PCLO: variants seen among roughly 807,000 people sequenced by gnomAD.
The protein encoded by PCLO is protein piccolo.
In PCLO, 82 loss-of-function variants were observed where a neutral mutation model predicts 427.5. The observed-to-expected ratio is 0.19, with a 90% CI of 0.16 to 0.23. PCLO has a LOEUF of 0.23. Among genes scored for constraint, PCLO ranks in the 10% least tolerant of loss-of-function variants. The pLI, the probability that PCLO is intolerant of heterozygous loss-of-function variation, is 1.00. For synonymous variants in PCLO, 2,357 were observed against 2,155.4 expected (o/e 1.09, Z -2.59); for missense variants, 6,239 against 6,115.9 (o/e 1.02, Z -0.67).
intron 3 of PCLO, among the ~76,000 whole-genome samples, chr7:82,990,719 A>T (rs1162151144): frequency 6.6e-6 from 1 of 152,154 alleles, no homozygotes; most frequent in Non-Finnish European, 1.5e-5. Context: ...GTTATGATTG[A>T]TTATATATGC....
At chr7:83,068,572 AC>A (rs1789726498) in intron 3 of PCLO, among the ~76,000 whole-genome samples, 1 of 152,164 alleles carries the variant, frequency 6.6e-6, no homozygotes, top group African/African-American at 2.4e-5. Context: ...AATCAAAATT[AC>A]GAATAAGATA....
chr7:82,951,687 A>T (rs961190575), intron 5 of PCLO, among the ~76,000 whole-genome samples, 169 bp downstream of exon 5: 11 of 152,210 alleles, frequency 7.2e-5, no homozygotes, highest in Admixed American at 2.6e-4. Context: ...AATTTTTTTT[A>T]AAATGAAGGA....
At chr7:82,842,843 C>T (rs1268536910) in intron 13 of PCLO, among the ~76,000 whole-genome samples, 1 of 151,956 alleles carries the variant, frequency 6.6e-6, no homozygotes, top group Non-Finnish European at 1.5e-5. Flanking sequence ...CAAATTAAAA[C>T]CACAATGAGA....
intron 13 of PCLO, among the ~76,000 whole-genome samples, chr7:82,843,852 G>C (rs970000077): frequency 6.6e-6 from 1 of 151,850 alleles, no homozygotes; most frequent in Middle Eastern, 3.4e-3. Context: ...TTTTGGTAGA[G>C]ATGGGGTTTC....
chr7:82,806,426 A>G (rs1034160826), intron 20 of PCLO, among the ~76,000 whole-genome samples: 1 of 152,146 alleles, frequency 6.6e-6, no homozygotes, highest in African/African-American at 2.4e-5. Flanking sequence ...CTAGTTTATC[A>G]TTGAGACTTG....
chr7:83,051,455 A>G (rs1294391974), intron 3 of PCLO, among the ~76,000 whole-genome samples: 1 of 152,174 alleles, frequency 6.6e-6, no homozygotes, highest in Non-Finnish European at 1.5e-5. Context: ...TACCATTTAT[A>G]TTAGTACCAG....
intron 22 of PCLO, among the ~76,000 whole-genome samples, chr7:82,799,357 G>T (rs918308437): frequency 2.6e-5 from 4 of 152,300 alleles, no homozygotes; most frequent in African/African-American, 9.6e-5. Context: ...TTTGAGAGTT[G>T]TTCAGCCTTA....
At chr7:82,785,402 T>C (rs932955753) in intron 22 of PCLO, among the ~76,000 whole-genome samples, 2 of 152,144 alleles carry the variant, frequency 1.3e-5, no homozygotes, top group African/African-American at 2.4e-5. Context: ...GCCTGGTTTC[T>C]AACAGGCCAC....
At chr7:82,758,773 G>A in intron 24 of PCLO, 58 bp from the exon 25 acceptor site, 4 of 1,027,634 alleles carry the variant, frequency 3.9e-6, no homozygotes, top group Non-Finnish European at 4.4e-6. Flanking sequence ...CATGTGTATA[G>A]TTTTCAACCT....
At position 82,953,490 on chromosome 7, in the gene PCLO, G is replaced by C; in HGVS notation, c.7463C>G (p.Pro2488Arg). 3 of 1,613,580 alleles carry C rather than the reference G, an allele frequency of 1.9e-6. No homozygotes were observed. The South Asian group carries it at 3.3e-5, about 18-fold the overall frequency. Reference protein sequence around the residue: ...ICTTAPPPVPPKPSSIPSGLV... With the variant: ...ICTTAPPPVPRKPSSIPSGLV... ...TCCAGATGGAATTGAAGATGGCTTA[G>C]GAGGAACAGGAGGAGGTGCAGTAGT... The change falls in exon 5 of 25, where the codon CCT becomes CGT. Residue 2488 changes from proline to arginine, a missense_variant. This residue lies in a region of PCLO where 4,677 missense variants were observed against 4,468.4 expected (regional missense o/e 1.05). Transcript: ENST00000333891.
rs555338244 is a variant in PCLO, at chr7:82,885,456, T to C, written c.13529-5994A>G. Among the ~76,000 whole-genome samples the C allele has an allele frequency of 3.2e-4, 49 of 152,284 alleles. 1 individual carries two copies. The highest frequency in any genetic ancestry group is 1.2e-3 in the African/African-American group (48 of 41,578). On this transcript the variant is annotated intron_variant, in intron 9 of 24. Coordinates refer to ENST00000333891, the MANE Select transcript of PCLO (RefSeq NM_033026.6). ...ATGATCAGGGAACCCAGTTAAGCCA[T>C]GCCTGGATTATTGACCCATGAGAAT...
At chr7:83,154,595 A>G (rs1792218801) in intron 2 of PCLO, among the ~76,000 whole-genome samples, 153 bp downstream of exon 2, 1 of 152,230 alleles carries the variant, frequency 6.6e-6, no homozygotes, top group Non-Finnish European at 1.5e-5. Context: ...TGTTAAAAAA[A>G]AATTACAACT....
At position 82,845,135 on chromosome 7, in the gene PCLO, T is replaced by G; in HGVS notation, c.14046+136A>C. ...TTGTACTCAGAAGAGAAAAAATGTT[T>G]CTTGTTTTGATAGATCATCTGGAAA... On this transcript the variant is annotated intron_variant, in intron 13 of 24. Coordinates refer to ENST00000333891, the MANE Select transcript of PCLO (RefSeq NM_033026.6). 1.2e-5 allele frequency: 8 copies of G among 657,820 alleles called. 1 individual carries two copies. In the South Asian group the frequency reaches 1.6e-4, roughly 13 times the overall value. The allele number at this position is 657,820 out of a possible 1,614,324, so 40.7% of individuals were successfully genotyped here.
intron 6 of PCLO, among the ~76,000 whole-genome samples, chr7:82,938,567 G>GA (rs1795009370): frequency 6.6e-6 from 1 of 151,934 alleles, no homozygotes; most frequent in East Asian, 1.9e-4. Flanking sequence ...TAGCTAGGTT[G>GA]AAAAAAGGCC....
At chr7:83,159,147 G>A (rs1327922298) in intron 1 of PCLO, among the ~76,000 whole-genome samples, 1 of 152,030 alleles carries the variant, frequency 6.6e-6, no homozygotes, top group East Asian at 1.9e-4. Context: ...AACAATGAGT[G>A]AACCAAGGAA....
chr7:83,094,572 T>C (rs972392656), intron 3 of PCLO, among the ~76,000 whole-genome samples: 5 of 152,220 alleles, frequency 3.3e-5, no homozygotes, highest in Non-Finnish European at 7.3e-5. Flanking sequence ...ATCAATAGTT[T>C]AAGTTCTTGT....
chr7:82,892,814 C>G (rs1027069074), intron 9 of PCLO, among the ~76,000 whole-genome samples: 11 of 152,158 alleles, frequency 7.2e-5, no homozygotes, highest in South Asian at 2.1e-4. Flanking sequence ...ACAAAAGACA[C>G]ATGAAAAAAT....
chr7:83,009,748 T>A (rs2115981499), intron 3 of PCLO, among the ~76,000 whole-genome samples: 1 of 152,030 alleles, frequency 6.6e-6, no homozygotes, highest in East Asian at 1.9e-4. Context: ...TATAAGAGTT[T>A]CTTTATTCTA....
At chr7:83,111,806 T>C (rs1348065555) in intron 3 of PCLO, among the ~76,000 whole-genome samples, 9 of 152,228 alleles carry the variant, frequency 5.9e-5, no homozygotes, top group East Asian at 1.9e-4. Flanking sequence ...ATTAACATTG[T>C]TGCAGAAAAA....
Sources: allele counts gnomAD v4.1 joint callset (sites outside exome capture counted in the v4.1 genomes callset), GRCh38; gene constraint gnomAD v4.1.1; regional missense constraint gnomAD v4.1.1; transcripts MANE v1.5; gene names NCBI Gene and HGNC (gene_info 2026-07-23, HGNC 2026-07-21).